CYLD: variants seen among roughly 807,000 people sequenced by gnomAD.
The protein encoded by CYLD is ubiquitin carboxyl-terminal hydrolase CYLD.
In CYLD, 26 loss-of-function variants were observed where a neutral mutation model predicts 104.5. That is an observed-to-expected ratio of 0.25 (90% CI 0.18 to 0.35). The LOEUF is 0.35. Among genes scored for constraint, CYLD ranks in the 10% least tolerant of loss-of-function variants. The probability of loss-of-function intolerance (pLI) is 1.00; values close to 1 mark genes in which losing one functional copy is unlikely to be tolerated. For missense variants in CYLD, 703 were observed against 1,136.1 expected (o/e 0.62, Z 5.48); for synonymous variants, 385 against 399.9 (o/e 0.96, Z 0.45).
chr16:50,755,201 GTGTGTGTATATACACACGTGTACATA>G lies in CYLD; in HGVS notation c.913+795_913+820del, dbSNP rs1358084519. On this transcript the variant is annotated intron_variant, in intron 5 of 18. Transcript: ENST00000427738. ...TGTGTATATACACACGTGTACATATGTGTGTGTATATACACACGTGTACATATGTGTGTATATACACACATATGTGT... is the reference window on the plus strand; with the variant it reads ...TGTGTATATACACACGTGTACATATGTGTGTGTATATACACACATATGTGT... 2.4e-4 allele frequency among the ~76,000 whole-genome samples: 21 copies of G among 88,234 alleles called. 1 individual carries two copies. Among genetic ancestry groups the G allele is most frequent in the Admixed American group, 1.1e-3 (10 of 9,190 alleles). The allele number at this position is 88,234 out of a possible 152,430, so 57.9% of individuals were successfully genotyped here.
chr16:50,778,308 C>T (rs1969886263), intron 8 of CYLD: 1 of 163,852 alleles, frequency 6.1e-6, no homozygotes, highest in Non-Finnish European at 1.3e-5. Flanking sequence ...ATTTGTTCAA[C>T]AAATATTTAT....
chr16:50,789,807 A>T (rs1057316292), intron 14 of CYLD, among the ~76,000 whole-genome samples: 2 of 152,230 alleles, frequency 1.3e-5, no homozygotes, highest in Non-Finnish European at 2.9e-5. Flanking sequence ...AGACAAAAGA[A>T]CTAGATGACA....
rs549254107 is a variant in CYLD at position 50,766,403 on chromosome 16, A to G, written c.914-8763A>G. ...AACATTACTGTTCATTGATGATGCAACTGGTCACTCAAAAGCTTTGATGGA... is the reference window on the plus strand; with the variant it reads ...AACATTACTGTTCATTGATGATGCAGCTGGTCACTCAAAAGCTTTGATGGA... On this transcript the variant is annotated intron_variant, in intron 5 of 18. Coordinates refer to ENST00000427738, the MANE Select transcript of CYLD (RefSeq NM_001378743.1). 2.0e-5 allele frequency among the ~76,000 whole-genome samples: 3 copies of G among 152,356 alleles called. No homozygotes were observed. In the South Asian group the frequency reaches 6.2e-4, roughly 32 times the overall value.
In CYLD at chr16:50,794,538, A is replaced by T; in HGVS notation, c.2686+110A>T. 1 of 1,063,522 alleles carries T rather than the reference A, an allele frequency of 9.4e-7. No homozygotes were observed. Among genetic ancestry groups the T allele is most frequent in the Non-Finnish European group, 1.5e-6 (1 of 688,414 alleles). 65.9% of individuals were successfully genotyped at this position (1,063,522 alleles called of 1,614,324 possible). ...TGATATTTTCTGAGAAAATCCTTTC[A>T]GGATTATTCTGGTGACAACAGTCTT... On this transcript the variant is annotated intron_variant, in intron 18 of 18. Coordinates refer to ENST00000427738, the MANE Select transcript of CYLD (RefSeq NM_001378743.1). This position sits in a 1 kb window ranked among gnomAD's most constrained non-coding sequence, Gnocchi z 4.1.
At chr16:50,777,561 T>G (rs78636108) in intron 7 of CYLD, among the ~76,000 whole-genome samples, 1 of 152,050 alleles carries the variant, frequency 6.6e-6, no homozygotes, top group Non-Finnish European at 1.5e-5. Flanking sequence ...TCATTTTTTT[T>G]AAAAATGAGT....
chr16:50,793,737 C>T (rs542076162), intron 17 of CYLD, 73 bp downstream of exon 17: 39 of 1,019,758 alleles, frequency 3.8e-5, no homozygotes, highest in South Asian at 3.4e-4. Context: ...ACACAATGCT[C>T]GTTTTGGAAA....
intron 2 of CYLD, among the ~76,000 whole-genome samples, chr16:50,746,163 A>G (rs1567417314): frequency 6.6e-6 from 1 of 152,118 alleles, no homozygotes; most frequent in Non-Finnish European, 1.5e-5. Flanking sequence ...TCAGCCTCAC[A>G]AGTAGCTGGG....
Position 50,799,591 on chromosome 16 carries a change from T to C in CYLD, c.*3083T>C, listed in dbSNP as rs185943382. ...CAAATGCTGTAGATAAATGGCCAGA[T>C]TCTTCCTATCCCTAGGATTCCTTTA... is the stretch of plus-strand genomic sequence containing the variant. On this transcript the variant is annotated 3_prime_UTR_variant, in exon 19 of 19. Coordinates refer to ENST00000427738, the MANE Select transcript of CYLD (RefSeq NM_001378743.1). 5 of 233,728 alleles carry C rather than the reference T, an allele frequency of 2.1e-5. No homozygotes were observed. The highest frequency in any genetic ancestry group is 4.2e-5 in the Non-Finnish European group (5 of 118,010). The allele number at this position is 233,728 out of a possible 1,614,324, so 14.5% of individuals were successfully genotyped here. A position where few individuals can be genotyped will look rare whatever the true frequency, so the allele number is the denominator to read the frequency against.
At chr16:50,743,517 A>G (rs1356884240) in intron 2 of CYLD, among the ~76,000 whole-genome samples, 1 of 152,232 alleles carries the variant, frequency 6.6e-6, no homozygotes, top group Admixed American at 6.5e-5. Flanking sequence ...AAGGCTTGTT[A>G]TATAAAGCAC....
Position 50,781,330 on chromosome 16 carries a change from A to C in CYLD, c.1603A>C (p.Lys535Gln). ...TGCCCTGAAGAAGGCGCTGTTTGTGAAACTGAAGAGCTGCAGGCCTGACTC... is the reference window on the plus strand; with the variant it reads ...TGCCCTGAAGAAGGCGCTGTTTGTGCAACTGAAGAGCTGCAGGCCTGACTC... ...TCALKKALFV[K>Q]LKSCRPDSRF... The change falls in exon 10 of 19, where the codon AAA becomes CAA. Residue 535 changes from lysine to glutamine, a missense_variant. Around this residue, in one of 5 missense-constraint regions of CYLD, gnomAD observed 125 missense variants for 325.4 expected, o/e 0.38. Coordinates refer to ENST00000427738, the MANE Select transcript of CYLD (RefSeq NM_001378743.1). The C allele has an allele frequency of 6.2e-7, 1 of 1,613,922 alleles. No individual in the cohort carries two copies. Among genetic ancestry groups the C allele is most frequent in the East Asian group, 2.2e-5 (1 of 44,884 alleles).
intron 5 of CYLD, among the ~76,000 whole-genome samples, chr16:50,760,104 C>A (rs944083508): frequency 6.6e-5 from 10 of 152,126 alleles, no homozygotes. Context: ...CGTACTTATC[C>A]GTCACGTTTT....
intron 5 of CYLD, among the ~76,000 whole-genome samples, chr16:50,769,976 A>G (rs1968968624): frequency 6.6e-6 from 1 of 152,178 alleles, no homozygotes; most frequent in African/African-American, 2.4e-5. Flanking sequence ...TTTTATATAT[A>G]TCCATGGATT....
At chr16:50,745,441 C>T (rs1397224006) in intron 2 of CYLD, among the ~76,000 whole-genome samples, 1 of 140,086 alleles carries the variant, frequency 7.1e-6, no homozygotes, top group Non-Finnish European at 1.5e-5. Context: ...GATCATAGCT[C>T]TCTTCAGCCT....
intron 1 of CYLD, chr16:50,742,559 T>G: frequency 5.5e-4 from 76 of 138,630 alleles, no homozygotes; most frequent in Middle Eastern, 3.4e-3. Flanking sequence ...CCCCACCCCA[T>G]TTACAGATTG....
chr16:50,752,645 C>T (rs375012204), intron 4 of CYLD, among the ~76,000 whole-genome samples: 1 of 152,178 alleles, frequency 6.6e-6, no homozygotes, highest in Non-Finnish European at 1.5e-5. Context: ...CAAACCGAAA[C>T]TCTGTGCCTG....
Position 50,775,055 on chromosome 16 carries a change from T to C in CYLD, c.914-111T>C, listed in dbSNP as rs891464164. 1.5e-5 allele frequency: 13 copies of C among 882,232 alleles called. No homozygotes were observed. In the Middle Eastern group the frequency reaches 8.7e-4, roughly 59 times the overall value. 54.7% of individuals were successfully genotyped at this position (882,232 alleles called of 1,614,324 possible). On this transcript the variant is annotated intron_variant, in intron 5 of 18. Coordinates refer to ENST00000427738, the MANE Select transcript of CYLD (RefSeq NM_001378743.1). ...CATATAATTCATTTAGTAAATTTCC[T>C]CTTTTTTTAAGAAAAGTCTTTTCCT...
chr16:50,769,674 A>G (rs1277904693), intron 5 of CYLD, among the ~76,000 whole-genome samples: 1 of 152,188 alleles, frequency 6.6e-6, no homozygotes, highest in Non-Finnish European at 1.5e-5. Flanking sequence ...TAACATTAAC[A>G]TGTTGTAAAA....
intron 4 of CYLD, among the ~76,000 whole-genome samples, chr16:50,753,136 A>G (rs898718118): frequency 2.6e-5 from 4 of 152,188 alleles, no homozygotes; most frequent in Non-Finnish European, 4.4e-5. Context: ...AGGAAATTCT[A>G]TCTGATACTC....
chr16:50,791,524 G>C (rs747405004), intron 14 of CYLD, 34 bp from the exon 15 acceptor site: 1 of 1,611,744 alleles, frequency 6.2e-7, no homozygotes, highest in Admixed American at 1.7e-5. Context: ...TTGATAAATA[G>C]GTTGTATGTA....
Sources: allele counts gnomAD v4.1 joint callset (sites outside exome capture counted in the v4.1 genomes callset), GRCh38; gene constraint gnomAD v4.1.1; regional missense constraint gnomAD v4.1.1; non-coding constraint Gnocchi (gnomAD v3.1); transcripts MANE v1.5; gene names NCBI Gene and HGNC (gene_info 2026-07-23, HGNC 2026-07-21).